The following PRKCE variants were observed in gnomAD, a reference collection of about 807,000 sequenced individuals.
The protein encoded by PRKCE is protein kinase C epsilon, also known as protein kinase C epsilon type.
PRKCE carries 16 observed loss-of-function variants against 85.4 expected under a neutral mutation model. That is an observed-to-expected ratio of 0.19 (90% confidence interval 0.13 to 0.28). The LOEUF is 0.28. PRKCE is among the 10% of genes least tolerant of loss of function. PRKCE has a pLI of 1.00. For synonymous variants in PRKCE, 388 were observed against 371.5 expected (o/e 1.04, Z -0.51); for missense variants, 573 against 975.2 (o/e 0.59, Z 5.49).
intron 1 of PRKCE, among the ~76,000 whole-genome samples, chr2:45,683,028 T>C (rs149407309): frequency 9.4e-4 from 143 of 152,344 alleles, no homozygotes; most frequent in Middle Eastern, 3.4e-3. Context: ...TATTTATTTT[T>C]AATGGGGGAA....
At chr2:46,116,355 C>T (rs1169635533) in intron 11 of PRKCE, among the ~76,000 whole-genome samples, 4 of 152,212 alleles carry the variant, frequency 2.6e-5, no homozygotes, top group Admixed American at 1.3e-4. Flanking sequence ...CTGCAATATA[C>T]AGGATTCTAA....
intron 2 of PRKCE, among the ~76,000 whole-genome samples, chr2:45,951,528 G>A (rs1413805781): frequency 6.6e-6 from 1 of 152,192 alleles, no homozygotes; most frequent in Non-Finnish European, 1.5e-5. Flanking sequence ...TTGGCTTGGG[G>A]CCACACTTAG....
At chr2:45,968,941 G>A (rs560682823) in intron 2 of PRKCE, among the ~76,000 whole-genome samples, 125 of 151,960 alleles carry the variant, frequency 8.2e-4, no homozygotes, top group Non-Finnish European at 1.3e-3. Context: ...CGGGCCAGGT[G>A]AAGTTAGGTA....
intron 10 of PRKCE, among the ~76,000 whole-genome samples, chr2:46,031,591 CGTGTGTGTGTGTGTGTGTGTGTGTGT>C (rs58684318): frequency 2.1e-5 from 3 of 144,028 alleles, no homozygotes; most frequent in Non-Finnish European, 4.5e-5. Flanking sequence ...ACATTCTGCT[CGTGTGTGTGTGTGTGTGTGTGTGTGT>C]GTGTGTGTGT....
At chr2:45,864,347 TA>T (rs1186365732) in intron 2 of PRKCE, among the ~76,000 whole-genome samples, 1 of 152,214 alleles carries the variant, frequency 6.6e-6, no homozygotes, top group Non-Finnish European at 1.5e-5. Context: ...AGCCTAACAA[TA>T]ACTGCCCTGG....
chr2:45,919,085 A>G (rs950726118), intron 2 of PRKCE, among the ~76,000 whole-genome samples: 3 of 152,200 alleles, frequency 2.0e-5, no homozygotes, highest in Admixed American at 2.0e-4. Flanking sequence ...ATGTAAATCA[A>G]GGTTGTTATA....
intron 1 of PRKCE, among the ~76,000 whole-genome samples, chr2:45,761,780 A>G (rs1164117944): frequency 6.6e-6 from 1 of 152,058 alleles, no homozygotes; most frequent in African/African-American, 2.4e-5. Flanking sequence ...AAGGTTTTCT[A>G]CTGAGCCCTC....
rs1164620024 is a variant in PRKCE at position 45,744,413 on chromosome 2, TTTTCTTTCTTTCTTTCTTTCTTTCTTTC to T, written c.348+92013_348+92040del. Among the ~76,000 whole-genome samples, 210 of 117,748 alleles carry T rather than the reference TTTTCTTTCTTTCTTTCTTTCTTTCTTTC, an allele frequency of 1.8e-3. 4 individuals are homozygous for T. The highest frequency in any genetic ancestry group is 6.7e-3 in the South Asian group (23 of 3,418). 77.2% of individuals were successfully genotyped at this position (117,748 alleles called of 152,430 possible). A position where few individuals can be genotyped will look rare whatever the true frequency, so the allele number is the denominator to read the frequency against. ...GCCTGGTCTTTCTCTCTTTCTTTTC[TTTTCTTTCTTTCTTTCTTTCTTTCTTTC>T]TTTCTTTCTTTCTTTCTTTCTTTCT... On this transcript the variant is annotated intron_variant, in intron 1 of 14. Coordinates refer to ENST00000306156, the MANE Select transcript of PRKCE (RefSeq NM_005400.3).
chr2:45,769,347 G>A (rs375688189), intron 1 of PRKCE, among the ~76,000 whole-genome samples: 4 of 151,986 alleles, frequency 2.6e-5, no homozygotes, highest in East Asian at 3.8e-4. Flanking sequence ...CTTTTGTTAG[G>A]TGTTAGGGCT....
chr2:45,944,767 G>C (rs1225664880), intron 2 of PRKCE, among the ~76,000 whole-genome samples: 1 of 142,526 alleles, frequency 7.0e-6, no homozygotes, highest in Admixed American at 7.4e-5. Flanking sequence ...CTCCCAAAGT[G>C]CTGGGATTAC....
intron 1 of PRKCE, among the ~76,000 whole-genome samples, chr2:45,785,755 C>A (rs1190103932): frequency 6.6e-6 from 1 of 152,156 alleles, no homozygotes; most frequent in East Asian, 1.9e-4. Flanking sequence ...CTGAGAGATG[C>A]TGGTCAGGGT....
intron 2 of PRKCE, among the ~76,000 whole-genome samples, chr2:45,935,782 C>CAAAA (rs11332351): frequency 5.9e-5 from 8 of 134,620 alleles, no homozygotes; most frequent in Non-Finnish European, 1.1e-4. Flanking sequence ...GAGACTGTCT[C>CAAAA]AAAAAAAAAA....
chr2:46,132,750 G>C (rs1674589364), intron 11 of PRKCE, among the ~76,000 whole-genome samples: 1 of 152,150 alleles, frequency 6.6e-6, no homozygotes, highest in Admixed American at 6.5e-5. Flanking sequence ...AGCACCGCAT[G>C]GTCTTAAAGC....
rs78878552 is a variant in PRKCE, at chr2:45,799,965, A to G, written c.349-43035A>G. On this transcript the variant is annotated intron_variant, in intron 1 of 14. Coordinates refer to ENST00000306156, the MANE Select transcript of PRKCE (RefSeq NM_005400.3). Reference sequence around the variant, plus strand: ...TGGACTTCTTGTCCACAAGACAAAGAAAGCCTGGATTTGAGACTGTTTCCA... The same window carrying G: ...TGGACTTCTTGTCCACAAGACAAAGGAAGCCTGGATTTGAGACTGTTTCCA... 2.6e-5 allele frequency among the ~76,000 whole-genome samples: 4 copies of G among 152,338 alleles called. No homozygotes were observed. The East Asian group carries it at 7.7e-4, about 29-fold the overall frequency.
intron 10 of PRKCE, among the ~76,000 whole-genome samples, chr2:46,027,509 T>C (rs1707204735): frequency 6.6e-6 from 1 of 152,196 alleles, no homozygotes. Flanking sequence ...TGAGTCTTAT[T>C]TGATCTTTAA....
intron 11 of PRKCE, among the ~76,000 whole-genome samples, chr2:46,109,226 A>T (rs1041237577): frequency 3.9e-5 from 6 of 152,194 alleles, no homozygotes; most frequent in Non-Finnish European, 7.4e-5. Flanking sequence ...GATATCTGCA[A>T]ATTAGCTTCC....
intron 1 of PRKCE, among the ~76,000 whole-genome samples, chr2:45,703,020 T>A (rs1044994346): frequency 8.3e-6 from 1 of 120,922 alleles, no homozygotes; most frequent in African/African-American, 3.2e-5. Context: ...AAAGCCTTTT[T>A]TCCCCCCCCG....
At chr2:45,997,537 T>A (rs1419725152) in intron 6 of PRKCE, among the ~76,000 whole-genome samples, 3 of 151,970 alleles carry the variant, frequency 2.0e-5, no homozygotes, top group Non-Finnish European at 4.4e-5. Context: ...TTTCATTTTT[T>A]ATTTTTATTT....
chr2:45,690,822 A>G (rs1677668981), intron 1 of PRKCE, among the ~76,000 whole-genome samples: 2 of 152,234 alleles, frequency 1.3e-5, no homozygotes, highest in African/African-American at 4.8e-5. Context: ...TGGAAAGGCA[A>G]TCATAGACCA....
Sources: gnomAD v4.1 joint callset for allele counts (sites outside exome capture counted in the v4.1 genomes callset) on GRCh38, gnomAD v4.1.1 for gene constraint, MANE v1.5 for transcripts, NCBI Gene and HGNC (gene_info 2026-07-23, HGNC 2026-07-21) for gene names.